Variants in TNKS observed in about 807,000 individuals in gnomAD.
TNKS encodes the protein poly [ADP-ribose] polymerase tankyrase-1.
Under a neutral mutation model 135.8 loss-of-function variants are expected in TNKS, and 72 were observed. The observed-to-expected ratio is 0.53, with a 90% CI of 0.44 to 0.64. TNKS has a LOEUF of 0.64. Ranked by LOEUF, TNKS falls within the 30% of genes least tolerant of loss-of-function variation. TNKS has a pLI of 0.00. For synonymous variants in TNKS, 849 were observed against 649.3 expected (o/e 1.31, Z -4.68); for missense variants, 1,769 against 1,674.0 (o/e 1.06, Z -0.99).
At chr8:9,632,598 G>C (rs1266271224) in intron 3 of TNKS, among the ~76,000 whole-genome samples, 3 of 152,156 alleles carry the variant, frequency 2.0e-5, no homozygotes, top group Non-Finnish European at 4.4e-5. Context: ...GAGACACTTA[G>C]AAATTGGTAT....
At chr8:9,716,986 TC>T (rs1266313399) in intron 11 of TNKS, among the ~76,000 whole-genome samples, 2 of 149,116 alleles carry the variant, frequency 1.3e-5, no homozygotes, top group East Asian at 3.9e-4. Context: ...TAGTCTATAA[TC>T]ACTTTTGCTC....
At chr8:9,760,497 G>T (rs546124977) in intron 20 of TNKS, among the ~76,000 whole-genome samples, 1 of 152,182 alleles carries the variant, frequency 6.6e-6, no homozygotes, top group Non-Finnish European at 1.5e-5. Flanking sequence ...GGAAAAAAGC[G>T]ATCTTGTTTG....
intron 18 of TNKS, among the ~76,000 whole-genome samples, chr8:9,748,477 C>A (rs1052557710): frequency 6.6e-6 from 1 of 152,272 alleles, no homozygotes; most frequent in East Asian, 1.9e-4. Flanking sequence ...TTAGAGTGTA[C>A]CCTCAAAGAA....
intron 26 of TNKS, among the ~76,000 whole-genome samples, chr8:9,772,013 GGGGAGGGAGAAA>G (rs1361542292): frequency 5.8e-5 from 6 of 103,782 alleles, no homozygotes; most frequent in Non-Finnish European, 1.0e-4. Context: ...CAGAGGGATG[GGGGAGGGAGAAA>G]GGGAGGGAGT....
intron 13 of TNKS, among the ~76,000 whole-genome samples, chr8:9,727,241 C>T (rs1363192140): frequency 6.6e-6 from 1 of 152,042 alleles, no homozygotes; most frequent in Non-Finnish European, 1.5e-5. Context: ...TGTAGCTCTA[C>T]TTGCTTCAAA....
intron 3 of TNKS, among the ~76,000 whole-genome samples, chr8:9,667,714 T>G (rs1240064685): frequency 6.6e-6 from 1 of 152,248 alleles, no homozygotes; most frequent in East Asian, 1.9e-4. Flanking sequence ...CTTCTTCAGC[T>G]GCACACACTT....
intron 12 of TNKS, among the ~76,000 whole-genome samples, chr8:9,722,202 G>C (rs925052587): frequency 2.2e-4 from 33 of 152,052 alleles, no homozygotes; most frequent in South Asian, 6.2e-4. Context: ...TGACCCCACA[G>C]ATTTCTAAAG....
At chr8:9,615,431 A>G in intron 2 of TNKS, 151 bp from the exon 3 acceptor site, 2 of 535,494 alleles carry the variant, frequency 3.7e-6, no homozygotes, top group Admixed American at 3.7e-5. Flanking sequence ...CCTTTGCTGC[A>G]GTGCTTTTTT....
chr8:9,613,071 C>G (rs995764846), intron 2 of TNKS, among the ~76,000 whole-genome samples: 1 of 152,078 alleles, frequency 6.6e-6, no homozygotes, highest in Non-Finnish European at 1.5e-5. Flanking sequence ...GACAGGCACA[C>G]TCAGTGTAAC....
chr8:9,727,204 A>G (rs1014653957), intron 13 of TNKS, among the ~76,000 whole-genome samples: 1 of 152,252 alleles, frequency 6.6e-6, no homozygotes, highest in Admixed American at 6.5e-5. Context: ...GGAATTATTC[A>G]TATGCAGAAG....
At chr8:9,667,897 T>C (rs969797460) in intron 3 of TNKS, among the ~76,000 whole-genome samples, 1 of 152,070 alleles carries the variant, frequency 6.6e-6, no homozygotes, top group African/African-American at 2.4e-5. Flanking sequence ...ATCACGTCAT[T>C]TATTTTTTCA....
chr8:9,730,743 A>G (rs1368200698), intron 13 of TNKS, 147 bp from the exon 14 acceptor site: 2 of 902,430 alleles, frequency 2.2e-6, no homozygotes, highest in South Asian at 2.1e-5. Flanking sequence ...TGATTTCTAA[A>G]CATTTGTATT....
intron 1 of TNKS, among the ~76,000 whole-genome samples, chr8:9,576,144 C>T (rs977373920): frequency 3.9e-5 from 6 of 152,100 alleles, no homozygotes; most frequent in Non-Finnish European, 8.8e-5. Flanking sequence ...ATTAGGATTC[C>T]TCCTCTGGAC....
chr8:9,562,426 A>G (rs972961933), intron 1 of TNKS, among the ~76,000 whole-genome samples: 7 of 152,160 alleles, frequency 4.6e-5, no homozygotes, highest in Non-Finnish European at 7.4e-5. Flanking sequence ...AGAAGTTCTC[A>G]TACATATCCT....
intron 1 of TNKS, among the ~76,000 whole-genome samples, chr8:9,559,137 T>C (rs1461579377): frequency 6.6e-6 from 1 of 152,166 alleles, no homozygotes; most frequent in East Asian, 1.9e-4. Flanking sequence ...TTAACCCTTA[T>C]GGAGCTTACA....
intron 22 of TNKS, among the ~76,000 whole-genome samples, chr8:9,764,501 C>G (rs1301274529): frequency 6.6e-6 from 1 of 152,088 alleles, no homozygotes; most frequent in African/African-American, 2.4e-5. Flanking sequence ...TTACAGAAAA[C>G]TCTTTCAGAA....
chr8:9,585,607 C>A (rs541953254), intron 2 of TNKS, among the ~76,000 whole-genome samples: 1 of 152,154 alleles, frequency 6.6e-6, no homozygotes, highest in South Asian at 2.1e-4. Context: ...CCTTCTAAAG[C>A]CTGCTGGAAG....
At chr8:9,762,457 A>AT (rs973958613) in intron 21 of TNKS, among the ~76,000 whole-genome samples, 55 of 152,160 alleles carry the variant, frequency 3.6e-4, no homozygotes, top group African/African-American at 1.3e-3. Context: ...TTAGAGGATA[A>AT]TTTTTATATT....
At chr8:9,627,819 C>T (rs1800122618) in intron 3 of TNKS, among the ~76,000 whole-genome samples, 1 of 152,146 alleles carries the variant, frequency 6.6e-6, no homozygotes. Context: ...GTGTTTTTAT[C>T]CTTGCCTCAG....
Sources: gnomAD v4.1 joint callset for allele counts (sites outside exome capture counted in the v4.1 genomes callset) on GRCh38, gnomAD v4.1.1 for gene constraint, MANE v1.5 for transcripts, NCBI Gene and HGNC (gene_info 2026-07-23, HGNC 2026-07-21) for gene names.